CLINT1: variants seen among roughly 807,000 people sequenced by gnomAD.
CLINT1 encodes clathrin interactor 1.
In CLINT1, 15 loss-of-function variants were observed where a neutral mutation model predicts 70.4. That is an observed-to-expected ratio of 0.21 (90% CI 0.14 to 0.33). The LOEUF is 0.33. Ranked by LOEUF, CLINT1 falls within the 10% of genes least tolerant of loss-of-function variation. The pLI is 1.00. For synonymous variants in CLINT1, 227 were observed against 254.7 expected, an observed-to-expected ratio of 0.89 and a Z score of 1.04; for missense variants, 615 against 778.1, an observed-to-expected ratio of 0.79 and a Z score of 2.49.
intron 1 of CLINT1, chr5:157,823,730 A>G: frequency 1.2e-6 from 1 of 807,580 alleles, no homozygotes; most frequent in Non-Finnish European, 1.5e-6. Context: ...AATTTTTTTA[A>G]CATAAAACAC....
At chr5:157,843,130 T>TA (rs1753246148) in intron 1 of CLINT1, among the ~76,000 whole-genome samples, 1 of 152,144 alleles carries the variant, frequency 6.6e-6, no homozygotes, top group African/African-American at 2.4e-5. Flanking sequence ...AAAAAATTTT[T>TA]AGAGTAAAAA....
intron 8 of CLINT1, chr5:157,795,966 G>A (rs1340929692): frequency 6.6e-6 from 1 of 152,302 alleles, no homozygotes; most frequent in African/African-American, 2.4e-5. Context: ...AGGAGGCAGA[G>A]GTTGCAGTGA....
chr5:157,852,396 TAA>T (rs904405559), intron 1 of CLINT1, among the ~76,000 whole-genome samples: 1 of 152,196 alleles, frequency 6.6e-6, no homozygotes, highest in African/African-American at 2.4e-5. Flanking sequence ...AACTGAGTCT[TAA>T]GAGAGAGTAC....
Position 157,842,331 on chromosome 5 carries a change from A to C in CLINT1, c.41+16599T>G, listed in dbSNP as rs370599178. ...CTTAAAAGTCATTTTACTCAATAATACACAAAAATACCCTCCAGGGGCTGA... is the reference window on the plus strand; with the variant it reads ...CTTAAAAGTCATTTTACTCAATAATCCACAAAAATACCCTCCAGGGGCTGA... On this transcript the variant is annotated intron_variant, in intron 1 of 11. Coordinates refer to ENST00000411809, the MANE Select transcript of CLINT1 (RefSeq NM_014666.4). 2.6e-5 allele frequency among the ~76,000 whole-genome samples: 4 copies of C among 152,170 alleles called. No homozygotes were observed. In the East Asian group the frequency reaches 7.7e-4, roughly 29 times the overall value.
intron 6 of CLINT1, among the ~76,000 whole-genome samples, chr5:157,807,381 TC>T (rs1762419964): frequency 1.3e-5 from 2 of 152,112 alleles, no homozygotes; most frequent in Non-Finnish European, 2.9e-5. Context: ...TTTTTTGGTG[TC>T]CAATTTTATT....
intron 1 of CLINT1, among the ~76,000 whole-genome samples, chr5:157,841,465 C>T (rs942057346): frequency 6.6e-6 from 1 of 151,808 alleles, no homozygotes; most frequent in Non-Finnish European, 1.5e-5. Flanking sequence ...ACTCGGGAGG[C>T]TGAGGCAGAA....
At chr5:157,851,567 C>T (rs903905099) in intron 1 of CLINT1, among the ~76,000 whole-genome samples, 8 of 150,846 alleles carry the variant, frequency 5.3e-5, no homozygotes, top group Middle Eastern at 3.4e-3. Flanking sequence ...ATGTGTCTGT[C>T]GTCCCAGCTA....
At chr5:157,850,355 C>T (rs534400540) in intron 1 of CLINT1, among the ~76,000 whole-genome samples, 26 of 152,188 alleles carry the variant, frequency 1.7e-4, no homozygotes, top group African/African-American at 5.1e-4. Flanking sequence ...CAGTGGCTCA[C>T]GCCTATAATC....
chr5:157,829,253 G>A (rs1184859766), intron 1 of CLINT1, among the ~76,000 whole-genome samples: 1 of 152,184 alleles, frequency 6.6e-6, no homozygotes, highest in African/African-American at 2.4e-5. Flanking sequence ...GACTGGGAAT[G>A]ACAGCCCCAA....
intron 5 of CLINT1, among the ~76,000 whole-genome samples, chr5:157,810,255 T>C (rs1345929044): frequency 6.6e-6 from 1 of 152,192 alleles, no homozygotes; most frequent in Non-Finnish European, 1.5e-5. Context: ...AAAATACAAC[T>C]GAAGGAACTC....
intron 1 of CLINT1, among the ~76,000 whole-genome samples, chr5:157,838,128 T>G (rs1263273051): frequency 2.0e-5 from 3 of 150,660 alleles, no homozygotes; most frequent in East Asian, 1.9e-4. Context: ...TTTTGTTTTT[T>G]TTTTTTTTTT....
At chr5:157,830,756 C>CT (rs1554101380) in intron 1 of CLINT1, among the ~76,000 whole-genome samples, 5,351 of 103,242 alleles carry the variant, frequency 0.052, 213 homozygotes, top group African/African-American at 0.06. Context: ...CCCTCTCTCT[C>CT]CCTCTCTCTC....
chr5:157,856,683 C>G (rs1358316771), intron 1 of CLINT1, among the ~76,000 whole-genome samples: 1 of 152,042 alleles, frequency 6.6e-6, no homozygotes, highest in Non-Finnish European at 1.5e-5. Flanking sequence ...AATTAAAATC[C>G]CGAGTACTCA....
intron 1 of CLINT1, among the ~76,000 whole-genome samples, chr5:157,826,437 TTTA>T (rs1220265824): frequency 6.6e-6 from 1 of 152,170 alleles, no homozygotes; most frequent in African/African-American, 2.4e-5. Flanking sequence ...ATGTAAAGTA[TTTA>T]TTTTCTGTCC....
intron 1 of CLINT1, among the ~76,000 whole-genome samples, chr5:157,855,169 C>G (rs1046103997): frequency 0.033 from 610 of 18,378 alleles, 1 homozygote; most frequent in African/African-American, 0.049. Flanking sequence ...GGGGGGGGGG[C>G]GGGTCACTGA....
In CLINT1 at chr5:157,791,898, A is replaced by G; in HGVS notation, c.1185T>C (p.Ser395=). The G allele has an allele frequency of 1.2e-6, 2 of 1,614,022 alleles. No homozygotes were observed. Among genetic ancestry groups the G allele is most frequent in the South Asian group, 2.2e-5 (2 of 91,084 alleles). The part of the protein sequence containing the change: ...PVASSGEFFG[S]ASQPAVELVS... ...CAAGTTCTACCGCTGGCTGTGAGGC[A>G]CTGCCAAAGAACTCGCCACTGGAAG... is the stretch of plus-strand genomic sequence containing the variant. Residue 395 remains serine (S), a synonymous_variant, in exon 10 of 12, where the codon AGT becomes AGC. Transcript: ENST00000411809.
intron 1 of CLINT1, among the ~76,000 whole-genome samples, chr5:157,832,518 T>TAAGA (rs907451709): frequency 6.6e-6 from 1 of 152,212 alleles, no homozygotes; most frequent in African/African-American, 2.4e-5. Context: ...GTTCTGCACT[T>TAAGA]AAGAATACTG....
intron 6 of CLINT1, 68 bp downstream of exon 6, chr5:157,809,560 A>C (rs1006352715): frequency 1.7e-5 from 24 of 1,428,818 alleles, no homozygotes; most frequent in Middle Eastern, 1.9e-4. Context: ...CCAACAAAAA[A>C]CCAAAAACCC....
chr5:157,792,787 AT>A (rs769648549), intron 9 of CLINT1, among the ~76,000 whole-genome samples: 1 of 152,218 alleles, frequency 6.6e-6, no homozygotes, highest in Non-Finnish European at 1.5e-5. Flanking sequence ...AGTCTTATCA[AT>A]TAACCTCTGA....
Sources: gnomAD v4.1 joint callset for allele counts (sites outside exome capture counted in the v4.1 genomes callset) on GRCh38, gnomAD v4.1.1 for gene constraint, MANE v1.5 for transcripts, NCBI Gene and HGNC (gene_info 2026-07-23, HGNC 2026-07-21) for gene names.